ADAD1: variants seen among roughly 807,000 people sequenced by gnomAD.
The protein encoded by ADAD1 is adenosine deaminase domain-containing protein 1.
A neutral mutation model predicts 66.8 loss-of-function variants in ADAD1; 46 were observed. That is an observed-to-expected ratio of 0.69 (90% CI 0.54 to 0.88). ADAD1 has a LOEUF of 0.88. Among genes scored for constraint, ADAD1 ranks in the 40% least tolerant of loss-of-function variants. The probability of loss-of-function intolerance (pLI) is 0.00; values close to 1 mark genes in which losing one functional copy is unlikely to be tolerated. For synonymous variants in ADAD1, 248 were observed against 229.4 expected (o/e 1.08, Z -0.73); for missense variants, 617 against 681.8 (o/e 0.91, Z 1.06).
intron 5 of ADAD1, among the ~76,000 whole-genome samples, chr4:122,387,406 T>C (rs1472397412): frequency 1.3e-5 from 2 of 152,194 alleles, no homozygotes; most frequent in African/African-American, 4.8e-5. Context: ...GAGACTTTGC[T>C]GAAGTTGCTT....
chr4:122,429,126 T>TAAA (rs778440960), intron 12 of ADAD1, among the ~76,000 whole-genome samples: 4 of 139,980 alleles, frequency 2.9e-5, no homozygotes, highest in Non-Finnish European at 6.1e-5. Context: ...TTTAAAATGT[T>TAAA]AAAAAAAAAA....
In ADAD1 at chr4:122,380,222, C is replaced by T; in HGVS notation, c.153C>T (p.Ser51=). 3 of 1,609,688 alleles carry T rather than the reference C, an allele frequency of 1.9e-6. No homozygotes were observed. The highest frequency in any genetic ancestry group is 2.5e-6 in the Non-Finnish European group (3 of 1,178,904). ...SESYGLSKMA[S]KVTQVTGNFP... ...GTTACGGCCTGTCCAAGATGGCATCCAAGGTTACGCAAGTAACGGGTACGA... is the reference window on the plus strand; with the variant it reads ...GTTACGGCCTGTCCAAGATGGCATCTAAGGTTACGCAAGTAACGGGTACGA... The change falls in exon 3 of 13, where the codon TCC becomes TCT. Residue 51 remains serine (S), a synonymous_variant. Transcript: ENST00000296513.
intron 3 of ADAD1, 90 bp from the exon 4 acceptor site, chr4:122,380,902 A>G: frequency 8.3e-7 from 1 of 1,203,598 alleles, no homozygotes; most frequent in Middle Eastern, 2.6e-4. Context: ...TATCTGGGAC[A>G]ACCTTCCATT....
At chr4:122,380,442 G>C (rs926950511) in intron 3 of ADAD1, 2 of 614,784 alleles carry the variant, frequency 3.3e-6, no homozygotes, top group Non-Finnish European at 5.4e-6. Context: ...TTAACCATCT[G>C]TTACCACCTT....
chr4:122,415,486 C>T lies in ADAD1; in HGVS notation c.1357C>T (p.His453Tyr), dbSNP rs370284014. The change falls in exon 11 of 13, where the codon CAT (histidine) becomes TAT (tyrosine). Residue 453 changes from histidine (H) to tyrosine (Y), a missense_variant. His to Tyr is a moderately conservative substitution (Grantham distance 83, BLOSUM62 2). Coordinates refer to ENST00000296513, the MANE Select transcript of ADAD1 (RefSeq NM_139243.4). Reference protein sequence around the residue: ...LPMFYLVNRPHISLVPSAYPL... With the variant: ...LPMFYLVNRPYISLVPSAYPL... Reference sequence around the variant, plus strand: ...AATGTTTTACTTAGTCAACAGACCTCATATTAGTTTAGTACCCTCTGCATA... The same window carrying T: ...AATGTTTTACTTAGTCAACAGACCTTATATTAGTTTAGTACCCTCTGCATA... The T allele has an allele frequency of 1.2e-6, 2 of 1,613,804 alleles. No individual in the cohort carries two copies. The highest frequency in any genetic ancestry group is 2.7e-5 in the African/African-American group (2 of 74,908).
intron 7 of ADAD1, among the ~76,000 whole-genome samples, chr4:122,402,711 C>T (rs1426652907): frequency 6.6e-6 from 1 of 151,848 alleles, no homozygotes; most frequent in Non-Finnish European, 1.5e-5. Context: ...TTTTCTTTGT[C>T]TTTGTCAGAT....
chr4:122,379,821 T>A, intron 2 of ADAD1: 2 of 416,042 alleles, frequency 4.8e-6, no homozygotes, highest in Non-Finnish European at 4.2e-6. Context: ...GACCTCTCTC[T>A]GTTCCTTCTT....
chr4:122,414,014 A>T (rs897115096), intron 10 of ADAD1, among the ~76,000 whole-genome samples: 1 of 150,302 alleles, frequency 6.7e-6, no homozygotes. Context: ...ATAATTTTAG[A>T]TATTTATTTT....
intron 8 of ADAD1, among the ~76,000 whole-genome samples, chr4:122,410,565 C>T (rs1485828198): frequency 6.6e-6 from 1 of 152,076 alleles, no homozygotes; most frequent in African/African-American, 2.4e-5. Flanking sequence ...TTTGATACAA[C>T]CATTAAATGT....
rs1796512086 is a variant in ADAD1, at chr4:122,412,521, T to C, written c.1020-59T>C. ...TTACAGAACAGCTGTTAGGTACAGG[T>C]AGATTTTGTTCTGTCACCTTTGTTT... On this transcript the variant is annotated intron_variant, in intron 9 of 12. Coordinates refer to ENST00000296513, the MANE Select transcript of ADAD1 (RefSeq NM_139243.4). 2.2e-6 allele frequency: 3 copies of C among 1,394,020 alleles called. No individual in the cohort carries two copies. The African/African-American group carries it at 4.3e-5, about 20-fold the overall frequency. The allele number at this position is 1,394,020 out of a possible 1,614,324, so 86.4% of individuals were successfully genotyped here. A position where few individuals can be genotyped will look rare whatever the true frequency, so the allele number is the denominator to read the frequency against.
At chr4:122,429,605 C>T in intron 12 of ADAD1, 21 bp from the exon 13 acceptor site, 1 of 1,505,768 alleles carries the variant, frequency 6.6e-7, no homozygotes, top group Non-Finnish European at 9.2e-7. Flanking sequence ...TTCTATAATT[C>T]ATTTTTTCTT....
intron 6 of ADAD1, among the ~76,000 whole-genome samples, chr4:122,394,946 T>C (rs1311733587): frequency 2.6e-5 from 4 of 152,342 alleles, no homozygotes; most frequent in African/African-American, 4.8e-5. Context: ...TTGGATGTTA[T>C]AACTTTTGAA....
In ADAD1 at chr4:122,426,100, A is replaced by G. The variant is rs533213997; in HGVS notation, c.1618-3526A>G. ...AAAAAGTTAAACTCGGTAATCCTTT[A>G]GCTAGATTAACCAAGAAAAAAATAA... On this transcript the variant is annotated intron_variant, in intron 12 of 12. Transcript: ENST00000296513. Among the ~76,000 whole-genome samples, 5 of 152,256 alleles carry G rather than the reference A, an allele frequency of 3.3e-5. No individual in the cohort carries two copies. In the South Asian group the frequency reaches 6.2e-4, roughly 19 times the overall value.
Position 122,412,784 on chromosome 4 carries a change from A to G in ADAD1, c.1224A>G (p.Pro408=). Residue 408 remains proline (P), a synonymous_variant, in exon 10 of 13, where the codon CCA becomes CCG. Transcript: ENST00000296513. The part of the protein sequence containing the change: ...QGALLSHFIQ[P]VYISSILIGD... ...CATTGCTGAGTCATTTTATACAGCCAGTTTACATCAGCAGTATACTTATTG... is the reference window on the plus strand; with the variant it reads ...CATTGCTGAGTCATTTTATACAGCCGGTTTACATCAGCAGTATACTTATTG... 2 of 1,613,842 alleles carry G rather than the reference A, an allele frequency of 1.2e-6. No homozygotes were observed. Among genetic ancestry groups the G allele is most frequent in the Non-Finnish European group, 1.7e-6 (2 of 1,179,746 alleles).
rs747476100 is a variant in ADAD1 at position 122,415,516 on chromosome 4, C to G, written c.1387C>G (p.Leu463Val). The change falls in exon 11 of 13, where the codon CTT becomes GTT. Residue 463 changes from leucine to valine, a missense_variant. Leu to Val is a conservative substitution (Grantham distance 32). Transcript: ENST00000296513. ...TAGTTTAGTACCCTCTGCATATCCC[C>G]TTCAAATGAACTTGGAATATAAATT... ...HISLVPSAYP[L>V]QMNLEYKFLS... The G allele has an allele frequency of 2.5e-6, 4 of 1,613,932 alleles. No individual in the cohort carries two copies. Among genetic ancestry groups the G allele is most frequent in the Non-Finnish European group, 2.5e-6 (3 of 1,179,876 alleles).
At chr4:122,405,817 T>A (rs912115001) in intron 7 of ADAD1, among the ~76,000 whole-genome samples, 2 of 152,162 alleles carry the variant, frequency 1.3e-5, no homozygotes, top group African/African-American at 4.8e-5. Context: ...CACATATGAG[T>A]GAGATTATGC....
chr4:122,410,224 G>T (rs193086560), intron 8 of ADAD1, among the ~76,000 whole-genome samples: 58 of 152,228 alleles, frequency 3.8e-4, no homozygotes, highest in African/African-American at 1.3e-3. Flanking sequence ...GACTATGAGG[G>T]TAATGCATCT....
Position 122,393,665 on chromosome 4 carries a change from A to G in ADAD1, c.598+8A>G. ...TTTCAAAAGTACATTATGGTAGGAA[A>G]GTTTTTTGTGACGTTCTTCTTTAGA... On this transcript the variant is annotated splice_region_variant and intron_variant, in intron 6 of 12. Transcript: ENST00000296513. 1 of 1,580,274 alleles carries G rather than the reference A, an allele frequency of 6.3e-7. No individual in the cohort carries two copies. Among genetic ancestry groups the G allele is most frequent in the Non-Finnish European group, 8.6e-7 (1 of 1,165,850 alleles).
chr4:122,379,251 T>G (rs1476145644), intron 1 of ADAD1, 121 bp from the exon 2 acceptor site: 2 of 152,458 alleles, frequency 1.3e-5, no homozygotes, highest in East Asian at 3.8e-4. Context: ...GAGGCTGAAC[T>G]GCGCGATTTT....
Sources: allele counts gnomAD v4.1 joint callset (sites outside exome capture counted in the v4.1 genomes callset), GRCh38; gene constraint gnomAD v4.1.1; transcripts MANE v1.5; gene names NCBI Gene and HGNC (gene_info 2026-07-23, HGNC 2026-07-21).